CFTR: variants seen among roughly 807,000 people sequenced by gnomAD.
CFTR encodes the protein CF transmembrane conductance regulator.
In CFTR, 181 loss-of-function variants were observed where a neutral mutation model predicts 171.6. The observed-to-expected ratio is 1.05, with a 90% CI of 0.93 to 1.19. CFTR has a LOEUF of 1.19. CFTR is among the 50% of genes most tolerant of loss of function. The pLI is 0.00. For synonymous variants in CFTR, 583 were observed against 608.0 expected, an observed-to-expected ratio of 0.96 and a Z score of 0.60; for missense variants, 1,968 against 1,734.7, an observed-to-expected ratio of 1.13 and a Z score of -2.39.
intron 26 of CFTR, 46 bp from the exon 27 acceptor site, chr7:117,666,862 C>A: frequency 6.4e-7 from 1 of 1,560,156 alleles, no homozygotes; most frequent in South Asian, 1.1e-5. Context: ...CTGCTCTGGT[C>A]TGACCTGCCT....
At chr7:117,551,977 CT>C (rs2115914006) in intron 10 of CFTR, among the ~76,000 whole-genome samples, 2 of 152,102 alleles carry the variant, frequency 1.3e-5, no homozygotes, top group South Asian at 4.1e-4. Context: ...CACGTTTTTG[CT>C]TGCTTTTTAT....
intron 11 of CFTR, among the ~76,000 whole-genome samples, chr7:117,581,366 G>C (rs1427005960): frequency 6.6e-6 from 1 of 152,126 alleles, no homozygotes; most frequent in Non-Finnish European, 1.5e-5. Flanking sequence ...AAAGCTACGT[G>C]ATCAGGCCTT....
Position 117,570,243 on chromosome 7 carries a change from A to G in CFTR, c.1584+10588A>G, listed in dbSNP as rs189493599. Among the ~76,000 whole-genome samples the G allele has an allele frequency of 4.2e-3, 646 of 152,186 alleles. 7 individuals carry two copies. The highest frequency in any genetic ancestry group is 0.014 in the Middle Eastern group (4 of 294). ...AACAAAAAACCCGAAAAACAAAAAA[A>G]GAGGCAGAAAGACAGAAGGTCCTCC... is the stretch of plus-strand genomic sequence containing the variant. On this transcript the variant is annotated intron_variant, in intron 11 of 26. Coordinates refer to ENST00000003084, the MANE Select transcript of CFTR (RefSeq NM_000492.4).
chr7:117,568,677 T>C (rs150772923), intron 11 of CFTR, among the ~76,000 whole-genome samples: 19 of 152,330 alleles, frequency 1.2e-4, no homozygotes, highest in Admixed American at 4.6e-4. Context: ...TATGTATACA[T>C]TGTGAAATGA....
At chr7:117,614,923 G>A (rs1939434504) in intron 21 of CFTR, among the ~76,000 whole-genome samples, 1 of 152,052 alleles carries the variant, frequency 6.6e-6, no homozygotes, top group African/African-American at 2.4e-5. Flanking sequence ...TAATACTGCA[G>A]TGAGCATTCT....
chr7:117,530,698 C>T lies in CFTR; in HGVS notation c.274-201C>T, dbSNP rs535757238. On this transcript the variant is annotated intron_variant, in intron 3 of 26. Coordinates refer to ENST00000003084, the MANE Select transcript of CFTR (RefSeq NM_000492.4). ...ACCTCATATGTAAACTTGTCTCCCA[C>T]TGTTGCTATAACAAATCCCAAGTCT... Among the ~76,000 whole-genome samples, 5 of 152,268 alleles carry T rather than the reference C, an allele frequency of 3.3e-5. No homozygotes were observed. The South Asian group carries it at 8.3e-4, about 25-fold the overall frequency.
intron 11 of CFTR, among the ~76,000 whole-genome samples, chr7:117,576,734 T>G (rs981560328): frequency 6.6e-6 from 1 of 152,108 alleles, no homozygotes; most frequent in African/African-American, 2.4e-5. Context: ...CAGAGGAAGA[T>G]ACAACAGATC....
Position 117,611,715 on chromosome 7 carries a change from T to C in CFTR, c.3274T>C (p.Tyr1092His), listed in dbSNP as rs376968326. 9.5e-5 allele frequency: 154 copies of C among 1,613,466 alleles called. 1 individual carries two copies. The highest frequency in any genetic ancestry group is 4.8e-4 in the Admixed American group (29 of 59,892). ...TTTACATACTGCCAACTGGTTCTTG[T>C]ACCTGTCAACACTGCGCTGGTTCCA... ...LNLHTANWFL[Y>H]LSTLRWFQMR... The change falls in exon 20 of 27, where the codon TAC becomes CAC. Residue 1092 changes from tyrosine (Y) to histidine (H), a missense_variant. Transcript: ENST00000003084.
chr7:117,632,636 A>G (rs979094520), intron 22 of CFTR, among the ~76,000 whole-genome samples: 1 of 152,152 alleles, frequency 6.6e-6, no homozygotes, highest in African/African-American at 2.4e-5. Flanking sequence ...GAGCAATGGT[A>G]AAAGACCAGT....
At chr7:117,554,572 T>C (rs556266852) in intron 10 of CFTR, among the ~76,000 whole-genome samples, 23 of 151,914 alleles carry the variant, frequency 1.5e-4, no homozygotes, top group Non-Finnish European at 2.6e-4. Flanking sequence ...AAGATGGGGC[T>C]GGATAAGATT....
chr7:117,552,704 C>G (rs570312154), intron 10 of CFTR, among the ~76,000 whole-genome samples: 3 of 152,238 alleles, frequency 2.0e-5, no homozygotes, highest in South Asian at 2.1e-4. Context: ...ATGTTTCTCT[C>G]TATATATATA....
intron 22 of CFTR, among the ~76,000 whole-genome samples, chr7:117,629,459 G>C (rs1792704785): frequency 6.6e-6 from 1 of 152,128 alleles, no homozygotes; most frequent in East Asian, 1.9e-4. Flanking sequence ...CAGAAACAAA[G>C]AACAATAAGA....
At chr7:117,597,385 A>G (rs568744683) in intron 15 of CFTR, among the ~76,000 whole-genome samples, 1 of 152,328 alleles carries the variant, frequency 6.6e-6, no homozygotes, top group Non-Finnish European at 1.5e-5. Flanking sequence ...AATTCCGGAC[A>G]CAATTTGACT....
At chr7:117,630,820 T>A (rs1019012727) in intron 22 of CFTR, among the ~76,000 whole-genome samples, 7 of 152,026 alleles carry the variant, frequency 4.6e-5, no homozygotes, top group African/African-American at 1.7e-4. Context: ...TATTTTCTTA[T>A]CTGCCTAGGC....
intron 2 of CFTR, among the ~76,000 whole-genome samples, chr7:117,507,150 G>A (rs901525197): frequency 2.0e-5 from 3 of 152,136 alleles, no homozygotes; most frequent in Middle Eastern, 3.2e-3. Context: ...TCTGGGCCTG[G>A]TATGTGGTCC....
At chr7:117,511,875 A>G (rs1440977928) in intron 3 of CFTR, among the ~76,000 whole-genome samples, 2 of 152,208 alleles carry the variant, frequency 1.3e-5, no homozygotes, top group African/African-American at 4.8e-5. Context: ...GAGAAAATTT[A>G]GCCATTATAG....
chr7:117,557,482 A>G (rs1799379723), intron 10 of CFTR, among the ~76,000 whole-genome samples: 1 of 152,120 alleles, frequency 6.6e-6, no homozygotes, highest in African/African-American at 2.4e-5. Context: ...TAACAGATAA[A>G]GTTGAATTAA....
chr7:117,518,473 T>A (rs1798633140), intron 3 of CFTR, among the ~76,000 whole-genome samples: 1 of 147,688 alleles, frequency 6.8e-6, no homozygotes, highest in East Asian at 1.9e-4. Flanking sequence ...TATATATATG[T>A]CTTTCATAGA....
At chr7:117,489,510 A>T (rs1222722388) in intron 1 of CFTR, among the ~76,000 whole-genome samples, 1 of 152,000 alleles carries the variant, frequency 6.6e-6, no homozygotes, top group Admixed American at 6.6e-5. Context: ...TATGTGGCTT[A>T]TTATTGTTCC....
Sources: allele counts gnomAD v4.1 joint callset (sites outside exome capture counted in the v4.1 genomes callset), GRCh38; gene constraint gnomAD v4.1.1; transcripts MANE v1.5; gene names NCBI Gene and HGNC (gene_info 2026-07-23, HGNC 2026-07-21).